The following LRRN2 variants were observed in gnomAD, a reference collection of about 807,000 sequenced individuals.
The protein encoded by LRRN2 is leucine-rich repeat neuronal protein 2.
In LRRN2, 10 loss-of-function variants were observed where a neutral mutation model predicts 35.7. That is an observed-to-expected ratio of 0.28 (90% CI 0.17 to 0.47). The LOEUF (loss-of-function observed/expected upper bound fraction) is 0.47, where lower values mean the gene tolerates loss of function less well. Among genes scored for constraint, LRRN2 ranks in the 20% least tolerant of loss-of-function variants. The pLI, the probability that LRRN2 is intolerant of heterozygous loss-of-function variation, is 0.99. For missense variants in LRRN2, 731 were observed against 940.3 expected, an observed-to-expected ratio of 0.78 and a Z score of 2.91; for synonymous variants, 391 against 409.6, an observed-to-expected ratio of 0.95 and a Z score of 0.55.
At chr1:204,653,039 T>A (rs1468122267) in intron 1 of LRRN2, among the ~76,000 whole-genome samples, 1 of 152,320 alleles carries the variant, frequency 6.6e-6, no homozygotes, top group East Asian at 1.9e-4. Flanking sequence ...GGGACCTCGG[T>A]ATCCACCTCA....
chr1:204,681,340 CAAT>C (rs755753848), intron 1 of LRRN2, among the ~76,000 whole-genome samples: 35 of 152,242 alleles, frequency 2.3e-4, no homozygotes, highest in Admixed American at 9.2e-4. Flanking sequence ...ATAATAATAA[CAAT>C]AATAATATTA....
chr1:204,619,768 G>A lies in LRRN2; in HGVS notation c.225C>T (p.Leu75=). 2 of 1,614,258 alleles carry A rather than the reference G, an allele frequency of 1.2e-6. No homozygotes were observed. Among genetic ancestry groups the A allele is most frequent in the Non-Finnish European group, 8.5e-7 (1 of 1,180,034 alleles). The change falls in exon 2 of 2, where the codon CTC becomes CTT. Residue 75 remains leucine, a synonymous_variant. Coordinates refer to ENST00000367177, the MANE Select transcript of LRRN2 (RefSeq NM_201630.2). ...CACGGACAATGCTGTTGCTCTGCAG[G>A]AGCAGGGTCTGTGTGCCTGCGGGGA... ...PALPAGTQTL[L]LQSNSIVRVD...
Position 204,617,553 on chromosome 1 carries a change from A to G in LRRN2, c.*298T>C. On this transcript the variant is annotated 3_prime_UTR_variant, in exon 2 of 2. Transcript: ENST00000367177. The stretch of plus-strand genomic sequence containing the variant: ...GGTAGGGGACAGCCAAGCCAGGCCC[A>G]GGAGCCTCTGGGCAGAGAGAAGATG... 2.5e-6 allele frequency: 1 copy of G among 399,002 alleles called. No homozygotes were observed. The highest frequency in any genetic ancestry group is 4.6e-6 in the Non-Finnish European group (1 of 219,084). The allele number at this position is 399,002 out of a possible 1,614,324, so 24.7% of individuals were successfully genotyped here.
At chr1:204,643,811 C>G (rs111743237) in intron 1 of LRRN2, among the ~76,000 whole-genome samples, 2 of 152,188 alleles carry the variant, frequency 1.3e-5, no homozygotes, top group African/African-American at 4.8e-5. Context: ...AAGCTGGGAA[C>G]CAAATGCTCG....
intron 1 of LRRN2, among the ~76,000 whole-genome samples, chr1:204,667,190 A>T (rs1668591652): frequency 6.6e-6 from 1 of 152,170 alleles, no homozygotes; most frequent in Non-Finnish European, 1.5e-5. Context: ...CCAGGCACAC[A>T]CAAAGGAGTG....
chr1:204,647,365 A>G (rs1284211938), intron 1 of LRRN2, among the ~76,000 whole-genome samples: 5 of 152,234 alleles, frequency 3.3e-5, no homozygotes, highest in Admixed American at 3.3e-4. Context: ...CATCAGAGTG[A>G]CTGATGACTT....
chr1:204,648,843 C>G (rs1668164930), intron 1 of LRRN2, among the ~76,000 whole-genome samples: 1 of 152,212 alleles, frequency 6.6e-6, no homozygotes, highest in Non-Finnish European at 1.5e-5. Context: ...CACTTTACAG[C>G]TAACTGAGAT....
intron 1 of LRRN2, among the ~76,000 whole-genome samples, chr1:204,654,908 C>G (rs560370750): frequency 9.9e-5 from 15 of 152,122 alleles, no homozygotes; most frequent in Non-Finnish European, 1.6e-4. Context: ...TTCTTGCCAC[C>G]CCCCCAGCAC....
intron 1 of LRRN2, among the ~76,000 whole-genome samples, chr1:204,676,142 G>A (rs1386977576): frequency 4.7e-4 from 3 of 6,358 alleles, no homozygotes; most frequent in Admixed American, 2.0e-3. Context: ...ATGGAGCCGT[G>A]TGTGTGTGTG....
At chr1:204,643,953 T>C (rs1437083871) in intron 1 of LRRN2, among the ~76,000 whole-genome samples, 2 of 152,060 alleles carry the variant, frequency 1.3e-5, no homozygotes, top group Non-Finnish European at 2.9e-5. Flanking sequence ...TTCCATATTG[T>C]AAAATGAGAA....
chr1:204,681,181 T>C (rs1182006725), intron 1 of LRRN2, among the ~76,000 whole-genome samples: 1 of 152,166 alleles, frequency 6.6e-6, no homozygotes, highest in African/African-American at 2.4e-5. Context: ...GGTCTTGAAC[T>C]CCTGACCTCA....
At chr1:204,624,282 C>T (rs1167878603) in intron 1 of LRRN2, among the ~76,000 whole-genome samples, 1 of 152,186 alleles carries the variant, frequency 6.6e-6, no homozygotes, top group Admixed American at 6.5e-5. Flanking sequence ...GGCCTGGAAC[C>T]ACAGGGACAA....
chr1:204,652,575 AT>A (rs1214633032), intron 1 of LRRN2, among the ~76,000 whole-genome samples: 1 of 152,036 alleles, frequency 6.6e-6, no homozygotes, highest in African/African-American at 2.4e-5. Flanking sequence ...AAGATTAGAG[AT>A]GTCAAAAAGT....
chr1:204,625,678 T>C (rs1418152565), intron 1 of LRRN2, among the ~76,000 whole-genome samples: 1 of 152,204 alleles, frequency 6.6e-6, no homozygotes, highest in African/African-American at 2.4e-5. Context: ...AGTTTCATCT[T>C]GAAAACCCAG....
At position 204,637,645 on chromosome 1, in the gene LRRN2, CGTGTGTGTGT is replaced by C. The variant is rs67761829; in HGVS notation, c.-226-17437_-226-17428del. On this transcript the variant is annotated intron_variant, in intron 1 of 1. Transcript: ENST00000367177. ...AGAGTCTGCCTATTGCAGCACGTGA[CGTGTGTGTGT>C]GTGTGTGTGTGTGTGTGTGTGTGTG... Among the ~76,000 whole-genome samples, 147 of 130,024 alleles carry C rather than the reference CGTGTGTGTGT, an allele frequency of 1.1e-3. 1 individual carries two copies. Among genetic ancestry groups the C allele is most frequent in the African/African-American group, 2.5e-3 (86 of 33,978 alleles). The allele number at this position is 130,024 out of a possible 152,430, so 85.3% of individuals were successfully genotyped here. A position where few individuals can be genotyped will look rare whatever the true frequency, so the allele number is the denominator to read the frequency against.
In LRRN2 at chr1:204,618,110, C is replaced by T. The variant is rs142606457; in HGVS notation, c.1883G>A (p.Arg628His). 2.4e-5 allele frequency: 39 copies of T among 1,613,994 alleles called. No homozygotes were observed. The highest frequency in any genetic ancestry group is 5.5e-5 in the South Asian group (5 of 91,086). ...AGCCAGGATGGCAATGAGCCCAGGACGGTCCCCTAAGGCTCTGTGGCAAGA... is the reference window on the plus strand; with the variant it reads ...AGCCAGGATGGCAATGAGCCCAGGATGGTCCCCTAAGGCTCTGTGGCAAGA... ...ATSCHRALGD[R>H]PGLIAILALA... is the part of the protein sequence containing the mutation. Residue 628 changes from arginine (R) to histidine (H), a missense_variant, in exon 2 of 2, where the codon CGT becomes CAT. Physicochemically the swap from Arg to His is conservative, Grantham distance 29. This residue lies in a region of LRRN2 where 229 missense variants were observed against 258.4 expected (regional missense o/e 0.89). Coordinates refer to ENST00000367177, the MANE Select transcript of LRRN2 (RefSeq NM_201630.2).
At position 204,617,648 on chromosome 1, in the gene LRRN2, T is replaced by C; in HGVS notation, c.*203A>G. 1 of 596,950 alleles carries C rather than the reference T, an allele frequency of 1.7e-6. No homozygotes were observed. The highest frequency in any genetic ancestry group is 3.0e-6 in the Non-Finnish European group (1 of 337,174). 37.0% of individuals were successfully genotyped at this position (596,950 alleles called of 1,614,324 possible). ...ATGTTCCTCAGAATGGCAGCAGAGG[T>C]GACCCTAGGAGGTAAGGGCAACTTT... is the stretch of plus-strand genomic sequence containing the variant. On this transcript the variant is annotated 3_prime_UTR_variant, in exon 2 of 2. Coordinates refer to ENST00000367177, the MANE Select transcript of LRRN2 (RefSeq NM_201630.2).
chr1:204,624,537 G>A (rs1442350380), intron 1 of LRRN2, among the ~76,000 whole-genome samples: 2 of 152,206 alleles, frequency 1.3e-5, no homozygotes, highest in South Asian at 2.1e-4. Flanking sequence ...TGGATTTAGC[G>A]GAAACTGTGG....
chr1:204,668,466 G>C (rs893883494), intron 1 of LRRN2, among the ~76,000 whole-genome samples: 7 of 152,264 alleles, frequency 4.6e-5, no homozygotes, highest in Admixed American at 1.3e-4. Context: ...GTGGTGGTGC[G>C]TGCCTGTGGA....
Sources: gnomAD v4.1 joint callset for allele counts (sites outside exome capture counted in the v4.1 genomes callset) on GRCh38, gnomAD v4.1.1 for gene constraint, gnomAD v4.1.1 regional missense constraint, MANE v1.5 for transcripts, NCBI Gene and HGNC (gene_info 2026-07-23, HGNC 2026-07-21) for gene names.